The following ZFPM2 variants were observed in gnomAD, a reference collection of about 807,000 sequenced individuals.
ZFPM2 encodes the protein zinc finger protein ZFPM2.
In ZFPM2, 20 loss-of-function variants were observed where a neutral mutation model predicts 98.6. The ratio of observed to expected loss-of-function variants is 0.20; its 90% confidence interval spans 0.14 to 0.29. The LOEUF is 0.29. Ranked by LOEUF, ZFPM2 falls within the 10% of genes least tolerant of loss-of-function variation. The pLI is 1.00. For missense variants in ZFPM2, 1,310 were observed against 1,388.6 expected, an observed-to-expected ratio of 0.94 and a Z score of 0.90; for synonymous variants, 518 against 502.7, an observed-to-expected ratio of 1.03 and a Z score of -0.41.
At chr8:105,326,881 C>A (rs1812125006) in intron 1 of ZFPM2, among the ~76,000 whole-genome samples, 1 of 150,502 alleles carries the variant, frequency 6.6e-6, no homozygotes, top group Non-Finnish European at 1.5e-5. Flanking sequence ...TATACATAGA[C>A]TATCACAAAA....
At chr8:105,458,423 A>T (rs555292006) in intron 3 of ZFPM2, among the ~76,000 whole-genome samples, 18 of 146,520 alleles carry the variant, frequency 1.2e-4, no homozygotes, top group African/African-American at 2.1e-4. Flanking sequence ...AATGAAATTT[A>T]AAAAAAAAAA....
chr8:105,649,865 GC>G (rs1563504434), intron 5 of ZFPM2, among the ~76,000 whole-genome samples: 1 of 152,204 alleles, frequency 6.6e-6, no homozygotes. Flanking sequence ...GTCTCTGCCA[GC>G]CTTTGGTATC....
chr8:105,443,051 G>A (rs1011236980), intron 2 of ZFPM2, among the ~76,000 whole-genome samples: 1 of 152,032 alleles, frequency 6.6e-6, no homozygotes, highest in Non-Finnish European at 1.5e-5. Flanking sequence ...TGTCATACCT[G>A]TAATCCCAGC....
At chr8:105,494,197 A>ATATATG (rs1813413853) in intron 3 of ZFPM2, among the ~76,000 whole-genome samples, 1 of 110,506 alleles carries the variant, frequency 9.0e-6, no homozygotes, top group Non-Finnish European at 1.7e-5. Context: ...ATATATATAT[A>ATATATG]TATATATATA....
chr8:105,793,401 T>C (rs1453956927), intron 6 of ZFPM2, among the ~76,000 whole-genome samples: 8 of 152,240 alleles, frequency 5.3e-5, no homozygotes. Context: ...TTTAAGAATG[T>C]TGAATATTGG....
intron 3 of ZFPM2, among the ~76,000 whole-genome samples, chr8:105,508,810 T>C (rs1200242593): frequency 6.6e-6 from 1 of 150,430 alleles, no homozygotes; most frequent in Non-Finnish European, 1.5e-5. Context: ...TTTTTTTTTT[T>C]CCCCCTCGCA....
intron 4 of ZFPM2, among the ~76,000 whole-genome samples, chr8:105,615,517 T>A (rs1478066865): frequency 6.6e-6 from 1 of 152,196 alleles, no homozygotes; most frequent in Admixed American, 6.6e-5. Flanking sequence ...AGGGACTCTT[T>A]GCTTCTAGGG....
chr8:105,769,256 T>C (rs1227306958), intron 5 of ZFPM2, among the ~76,000 whole-genome samples: 1 of 152,044 alleles, frequency 6.6e-6, no homozygotes, highest in East Asian at 1.9e-4. Flanking sequence ...AGTAGACCTC[T>C]TGCATTTCTG....
chr8:105,743,889 T>G (rs1812282478), intron 5 of ZFPM2, among the ~76,000 whole-genome samples: 2 of 152,128 alleles, frequency 1.3e-5, no homozygotes, highest in African/African-American at 4.8e-5. Context: ...TAGATTTCTC[T>G]TATCACTCTT....
intron 5 of ZFPM2, among the ~76,000 whole-genome samples, chr8:105,775,745 G>A (rs997082101): frequency 6.6e-6 from 1 of 152,108 alleles, no homozygotes; most frequent in African/African-American, 2.4e-5. Context: ...GGCTACCTCA[G>A]TGCCCCACCG....
rs114567153 is a variant in ZFPM2, at chr8:105,445,383, A to G, written c.301+1002A>G. On this transcript the variant is annotated intron_variant, in intron 3 of 7. Transcript: ENST00000407775. ...ATAATGCTATACAAGATTTTATATC[A>G]AAAATGTATTATATTTAAAGTACCT... 6.2e-3 allele frequency among the ~76,000 whole-genome samples: 947 copies of G among 152,302 alleles called. 9 individuals carry two copies. The highest frequency in any genetic ancestry group is 0.022 in the African/African-American group (907 of 41,570).
At chr8:105,468,557 A>G (rs955656289) in intron 3 of ZFPM2, among the ~76,000 whole-genome samples, 4 of 152,094 alleles carry the variant, frequency 2.6e-5, no homozygotes, top group South Asian at 2.1e-4. Context: ...CCATTTCAAC[A>G]TTACTCCTGT....
intron 3 of ZFPM2, among the ~76,000 whole-genome samples, chr8:105,467,969 A>T (rs1381351807): frequency 6.6e-6 from 1 of 151,964 alleles, no homozygotes; most frequent in Admixed American, 6.6e-5. Flanking sequence ...TTACTACTCT[A>T]AAATAATCTA....
At chr8:105,794,151 T>C (rs1353666559) in intron 6 of ZFPM2, among the ~76,000 whole-genome samples, 1 of 152,208 alleles carries the variant, frequency 6.6e-6, no homozygotes, top group African/African-American at 2.4e-5. Flanking sequence ...AGAGGTGCTC[T>C]GCTTTTTAGA....
chr8:105,787,658 A>C (rs1024791524), intron 5 of ZFPM2: 1 of 152,228 alleles, frequency 6.6e-6, no homozygotes, highest in Non-Finnish European at 1.5e-5. Flanking sequence ...TAAACAGAGC[A>C]ATATGACTTA....
intron 3 of ZFPM2, among the ~76,000 whole-genome samples, chr8:105,545,994 C>G (rs925631608): frequency 6.6e-6 from 1 of 152,162 alleles, no homozygotes; most frequent in South Asian, 2.1e-4. Flanking sequence ...CCACATACCT[C>G]TGCCTGGCTT....
Position 105,413,348 on chromosome 8 carries a change from T to C in ZFPM2, c.41-5796T>C, listed in dbSNP as rs1269018671. Among the ~76,000 whole-genome samples the C allele has an allele frequency of 4.0e-5, 6 of 151,644 alleles. No individual in the cohort carries two copies. The Admixed American group carries it at 4.0e-4, about 10-fold the overall frequency. On this transcript the variant is annotated intron_variant, in intron 1 of 7. Transcript: ENST00000407775. ...TCAACTAAAATAGAGTATACCTATG[T>C]AGAGTTTTGATATATTTGTGTATTT...
At chr8:105,797,243 G>A (rs1813856547) in intron 6 of ZFPM2, 1 of 152,066 alleles carries the variant, frequency 6.6e-6, no homozygotes, top group Admixed American at 6.6e-5. Flanking sequence ...GGATGAAGGG[G>A]GAAAAAACAC....
chr8:105,410,760 A>T (rs1811560301), intron 1 of ZFPM2, among the ~76,000 whole-genome samples: 1 of 152,056 alleles, frequency 6.6e-6, no homozygotes, highest in African/African-American at 2.4e-5. Context: ...AAAGTTATAG[A>T]TTTTGATTAA....
Sources: allele counts gnomAD v4.1 joint callset (sites outside exome capture counted in the v4.1 genomes callset), GRCh38; gene constraint gnomAD v4.1.1; transcripts MANE v1.5; gene names NCBI Gene and HGNC (gene_info 2026-07-23, HGNC 2026-07-21).